GALNTL6: variants seen among roughly 807,000 people sequenced by gnomAD.
GALNTL6 encodes polypeptide N-acetylgalactosaminyltransferase-like 6.
A neutral mutation model predicts 73.7 loss-of-function variants in GALNTL6; 46 were observed. The ratio of observed to expected loss-of-function variants is 0.62; its 90% CI spans 0.49 to 0.80. The LOEUF is 0.80. Among genes scored for constraint, GALNTL6 ranks in the 30% least tolerant of loss-of-function variants. The pLI is 0.00. For missense variants in GALNTL6, 604 were observed against 755.0 expected, an observed-to-expected ratio of 0.80 and a Z score of 2.34; for synonymous variants, 259 against 263.7, an observed-to-expected ratio of 0.98 and a Z score of 0.17.
chr4:172,292,420 G>T (rs1263336782), intron 3 of GALNTL6, among the ~76,000 whole-genome samples: 1 of 152,028 alleles, frequency 6.6e-6, no homozygotes, highest in African/African-American at 2.4e-5. Context: ...GGATAATATT[G>T]CATGAATATG....
intron 9 of GALNTL6, among the ~76,000 whole-genome samples, chr4:172,944,850 G>A (rs1749082046): frequency 6.6e-6 from 1 of 152,104 alleles, no homozygotes; most frequent in Non-Finnish European, 1.5e-5. Context: ...GAGGTCAGGA[G>A]TTCAAGACCA....
intron 2 of GALNTL6, among the ~76,000 whole-genome samples, chr4:171,900,995 C>T (rs1470224221): frequency 6.6e-6 from 1 of 152,034 alleles, no homozygotes; most frequent in African/African-American, 2.4e-5. Context: ...CACAAAATGT[C>T]CAAAACAGGC....
At chr4:172,979,143 G>T (rs1369354108) in intron 10 of GALNTL6, among the ~76,000 whole-genome samples, 1 of 152,198 alleles carries the variant, frequency 6.6e-6, no homozygotes, top group Non-Finnish European at 1.5e-5. Flanking sequence ...CAAATTAATG[G>T]TTAACAGTAA....
intron 5 of GALNTL6, among the ~76,000 whole-genome samples, chr4:172,649,684 TATA>T (rs1289756080): frequency 1.3e-5 from 2 of 152,240 alleles, no homozygotes; most frequent in South Asian, 2.1e-4. Flanking sequence ...TACATGTATA[TATA>T]ATAAGTTAAT....
At chr4:172,429,110 T>C (rs1038123454) in intron 5 of GALNTL6, among the ~76,000 whole-genome samples, 1 of 151,904 alleles carries the variant, frequency 6.6e-6, no homozygotes, top group Non-Finnish European at 1.5e-5. Flanking sequence ...ATCCTATTCA[T>C]GAAGGCATGC....
Position 172,354,489 on chromosome 4 carries a change from T to G in GALNTL6, c.553+5800T>G, listed in dbSNP as rs187906683. On this transcript the variant is annotated intron_variant, in intron 5 of 12. Coordinates refer to ENST00000506823, the MANE Select transcript of GALNTL6 (RefSeq NM_001034845.3). ...TGTCCTAATGGCTCTGTTAACAAAT[T>G]GCTTTAACATTTGTGAATGTAAGGG... 9.8e-4 allele frequency among the ~76,000 whole-genome samples: 149 copies of G among 152,198 alleles called. 1 individual carries two copies. In the South Asian group the frequency reaches 0.016, roughly 16 times the overall value.
intron 7 of GALNTL6, among the ~76,000 whole-genome samples, chr4:172,841,510 C>T (rs763868535): frequency 6.6e-6 from 1 of 152,146 alleles, no homozygotes; most frequent in African/African-American, 2.4e-5. Flanking sequence ...AAATACCCAA[C>T]AATGGGTAAT....
chr4:172,430,727 C>T (rs1731417356), intron 5 of GALNTL6, among the ~76,000 whole-genome samples: 1 of 152,086 alleles, frequency 6.6e-6, no homozygotes, highest in African/African-American at 2.4e-5. Context: ...TTTGCTTGAA[C>T]CCAGGAGTTT....
At chr4:172,036,209 A>G (rs1350404346) in intron 2 of GALNTL6, among the ~76,000 whole-genome samples, 2 of 152,080 alleles carry the variant, frequency 1.3e-5, no homozygotes, top group Non-Finnish European at 2.9e-5. Context: ...TAAGTAATTC[A>G]GTTTATAGAA....
At chr4:171,983,405 C>G (rs975010422) in intron 2 of GALNTL6, among the ~76,000 whole-genome samples, 1 of 152,126 alleles carries the variant, frequency 6.6e-6, no homozygotes. Context: ...TGACTGAGAA[C>G]TTTTCTAGAA....
intron 3 of GALNTL6, among the ~76,000 whole-genome samples, chr4:172,268,829 C>A (rs1738540543): frequency 6.6e-6 from 1 of 152,162 alleles, no homozygotes; most frequent in Admixed American, 6.6e-5. Flanking sequence ...GCGACTTCTA[C>A]AACCCAGGAA....
At position 172,721,494 on chromosome 4, in the gene GALNTL6, A is replaced by G. The variant is rs189680681; in HGVS notation, c.554-87867A>G. Among the ~76,000 whole-genome samples, 6 of 152,338 alleles carry G rather than the reference A, an allele frequency of 3.9e-5. No individual in the cohort carries two copies. In the East Asian group the frequency reaches 9.6e-4, roughly 24 times the overall value. On this transcript the variant is annotated intron_variant, in intron 5 of 12. Coordinates refer to ENST00000506823, the MANE Select transcript of GALNTL6 (RefSeq NM_001034845.3). ...ATAGAAAGGAAGTGTTTCAAGTTTT[A>G]AAAAACATAGGGAAACTATCAGATG...
At chr4:172,891,292 T>C (rs1746017115) in intron 8 of GALNTL6, among the ~76,000 whole-genome samples, 1 of 152,158 alleles carries the variant, frequency 6.6e-6, no homozygotes, top group African/African-American at 2.4e-5. Context: ...GTTTTTGTGG[T>C]ATCTGGTATC....
At chr4:172,064,384 G>C (rs1486545356) in intron 2 of GALNTL6, among the ~76,000 whole-genome samples, 1 of 152,182 alleles carries the variant, frequency 6.6e-6, no homozygotes, top group Non-Finnish European at 1.5e-5. Flanking sequence ...GTGTACGCTT[G>C]AAGTCAGACT....
intron 5 of GALNTL6, among the ~76,000 whole-genome samples, chr4:172,552,628 C>T (rs1303301452): frequency 1.3e-5 from 2 of 151,796 alleles, no homozygotes; most frequent in Non-Finnish European, 2.9e-5. Context: ...CATGTCTACC[C>T]GCTCTATATA....
At chr4:172,161,034 A>G (rs1369948425) in intron 2 of GALNTL6, among the ~76,000 whole-genome samples, 1 of 151,920 alleles carries the variant, frequency 6.6e-6, no homozygotes, top group Admixed American at 6.6e-5. Context: ...AGATGTAATA[A>G]TCAATGGAGG....
At chr4:172,733,680 G>C (rs1223424371) in intron 5 of GALNTL6, among the ~76,000 whole-genome samples, 1 of 152,290 alleles carries the variant, frequency 6.6e-6, no homozygotes, top group Admixed American at 6.5e-5. Flanking sequence ...TCTCTTGCCT[G>C]CTGCCATGTA....
intron 5 of GALNTL6, among the ~76,000 whole-genome samples, chr4:172,408,774 T>A (rs1561069850): frequency 6.6e-6 from 1 of 152,072 alleles, no homozygotes; most frequent in Non-Finnish European, 1.5e-5. Flanking sequence ...AAACCACTGC[T>A]CCGATGACTT....
chr4:172,028,476 A>G (rs530686333), intron 2 of GALNTL6, among the ~76,000 whole-genome samples: 2 of 152,180 alleles, frequency 1.3e-5, no homozygotes, highest in African/African-American at 4.8e-5. Context: ...GAGTTTATAA[A>G]TTTGGCCAAA....
Sources: allele counts gnomAD v4.1 joint callset (sites outside exome capture counted in the v4.1 genomes callset), GRCh38; gene constraint gnomAD v4.1.1; transcripts MANE v1.5; gene names NCBI Gene and HGNC (gene_info 2026-07-23, HGNC 2026-07-21).